The following SLMAP variants were observed in gnomAD, a reference collection of about 807,000 sequenced individuals.
SLMAP encodes the protein sarcolemmal membrane-associated protein.
SLMAP carries 44 observed loss-of-function variants against 128.8 expected under a neutral mutation model. That is an observed-to-expected ratio of 0.34 (90% CI 0.27 to 0.44). The LOEUF (loss-of-function observed/expected upper bound fraction) is 0.44, where lower values mean the gene tolerates loss of function less well. Among genes scored for constraint, SLMAP ranks in the 20% least tolerant of loss-of-function variants. SLMAP has a pLI of 1.00. For synonymous variants in SLMAP, 327 were observed against 348.8 expected (o/e 0.94, Z 0.70); for missense variants, 787 against 985.3 (o/e 0.80, Z 2.69).
intron 5 of SLMAP, among the ~76,000 whole-genome samples, chr3:57,848,029 C>T (rs2094333281): frequency 2.0e-5 from 3 of 152,198 alleles, no homozygotes; most frequent in Admixed American, 1.3e-4. Context: ...TGCCAACTCT[C>T]TGCTGTCTCG....
Position 57,864,637 on chromosome 3 carries a change from A to C in SLMAP, c.1056A>C (p.Lys352Asn). Residue 352 changes from lysine to asparagine, a missense_variant, in exon 11 of 25, where the codon AAA becomes AAC. By Grantham distance (94) the Lys-to-Asn change is moderately conservative. Coordinates refer to ENST00000671191, the MANE Select transcript of SLMAP (RefSeq NM_001377540.1). ...LQHKIDEMEE[K>N]EQELQAKIEA... ...ATAAAATAGATGAAATGGAAGAAAA[A>C]GAACAGGAGCTCCAGGCAAAAATAG... 1 of 1,598,770 alleles carries C rather than the reference A, an allele frequency of 6.3e-7. No individual in the cohort carries two copies. Among genetic ancestry groups the C allele is most frequent in the Non-Finnish European group, 8.5e-7 (1 of 1,176,122 alleles).
At chr3:57,794,632 TTC>T (rs1363927326) in intron 2 of SLMAP, among the ~76,000 whole-genome samples, 3 of 152,218 alleles carry the variant, frequency 2.0e-5, no homozygotes, top group Admixed American at 6.5e-5. Context: ...CTAATCTGCT[TTC>T]TGTCTCTCTA....
intron 2 of SLMAP, among the ~76,000 whole-genome samples, chr3:57,770,458 G>T (rs1175374951): frequency 6.6e-6 from 1 of 152,214 alleles, no homozygotes; most frequent in Non-Finnish European, 1.5e-5. Flanking sequence ...AGAGAGTGAT[G>T]TATTCTGGGA....
At chr3:57,806,086 A>T (rs1028168947) in intron 2 of SLMAP, among the ~76,000 whole-genome samples, 5 of 151,170 alleles carry the variant, frequency 3.3e-5, no homozygotes, top group Admixed American at 6.6e-5. Flanking sequence ...ACAAGTGCAG[A>T]CGTGTAGGTT....
At chr3:57,771,353 C>T (rs2080858432) in intron 2 of SLMAP, among the ~76,000 whole-genome samples, 2 of 152,132 alleles carry the variant, frequency 1.3e-5, no homozygotes, top group African/African-American at 4.8e-5. Flanking sequence ...TCCTCAGCCT[C>T]CCGAGTATAT....
intron 22 of SLMAP, among the ~76,000 whole-genome samples, chr3:57,920,580 T>C (rs1230017015): frequency 1.3e-5 from 2 of 152,192 alleles, no homozygotes; most frequent in East Asian, 3.9e-4. Context: ...ATTTCTAGGA[T>C]ATAAGTAGAG....
rs139725208 is a variant in SLMAP at position 57,849,068 on chromosome 3, C to T, written c.457-686C>T. 7.7e-4 allele frequency among the ~76,000 whole-genome samples: 117 copies of T among 151,108 alleles called. 1 individual carries two copies. Among genetic ancestry groups the T allele is most frequent in the African/African-American group, 2.3e-3 (94 of 41,166 alleles). ...TGTCGTCCAGGCTGAAGTGCAGTAG[C>T]GTGACACGGGGTTTCACCATGTTGG... On this transcript the variant is annotated intron_variant, in intron 5 of 24. Coordinates refer to ENST00000671191, the MANE Select transcript of SLMAP (RefSeq NM_001377540.1).
intron 21 of SLMAP, among the ~76,000 whole-genome samples, chr3:57,913,632 T>C (rs911818105): frequency 6.6e-6 from 1 of 152,180 alleles, no homozygotes; most frequent in Non-Finnish European, 1.5e-5. Flanking sequence ...TCTCTTCTTT[T>C]AGTAAACGTG....
intron 17 of SLMAP, among the ~76,000 whole-genome samples, chr3:57,906,310 C>CTTTTTTTTTTTTTTTTG (rs2096551937): frequency 2.1e-5 from 1 of 47,048 alleles, no homozygotes; most frequent in African/African-American, 7.1e-5. Flanking sequence ...CTTTTTTTTT[C>CTTTTTTTTTTTTTTTTG]TTTTTTTTTT....
intron 2 of SLMAP, among the ~76,000 whole-genome samples, chr3:57,803,487 T>C (rs940168073): frequency 2.6e-5 from 4 of 152,236 alleles, no homozygotes; most frequent in Non-Finnish European, 5.9e-5. Context: ...TGCCAAGCAT[T>C]GTTGCAAAGC....
intron 14 of SLMAP, among the ~76,000 whole-genome samples, chr3:57,874,077 C>T (rs1478042663): frequency 9.2e-5 from 14 of 151,928 alleles, no homozygotes; most frequent in South Asian, 2.1e-4. Context: ...GAGCCAAGAT[C>T]GCACCACTGC....
intron 2 of SLMAP, among the ~76,000 whole-genome samples, chr3:57,758,392 A>G (rs564353451): frequency 3.7e-4 from 56 of 152,372 alleles, no homozygotes; most frequent in Non-Finnish European, 7.1e-4. Context: ...GTAATTTGCA[A>G]TAATCAAAGC....
chr3:57,908,229 TAA>T (rs1367392385), intron 18 of SLMAP, among the ~76,000 whole-genome samples: 2 of 152,248 alleles, frequency 1.3e-5, no homozygotes, highest in Non-Finnish European at 2.9e-5. Flanking sequence ...GAAAATCAAG[TAA>T]GATCTTTACT....
intron 11 of SLMAP, 45 bp from the exon 12 acceptor site, chr3:57,864,762 G>A (rs778972480): frequency 1.3e-6 from 2 of 1,556,372 alleles, no homozygotes; most frequent in Non-Finnish European, 1.7e-6. Flanking sequence ...TTTTTTTCTT[G>A]TTATCTGTGA....
rs547519341 is a variant in SLMAP at position 57,764,230 on chromosome 3, G to A, written c.198+6381G>A. Among the ~76,000 whole-genome samples, 21 of 152,134 alleles carry A rather than the reference G, an allele frequency of 1.4e-4. No individual in the cohort carries two copies. In the South Asian group the frequency reaches 1.5e-3, roughly 11 times the overall value. ...GTTTAAGAAAGAGTGGGCCGGGTGC[G>A]GTGGCTCACACCTGTAATCCCAGCA... On this transcript the variant is annotated intron_variant, in intron 2 of 24. Coordinates refer to ENST00000671191, the MANE Select transcript of SLMAP (RefSeq NM_001377540.1).
rs532267127 is a variant in SLMAP, at chr3:57,823,116, TG to T, written c.199-8261del. The stretch of plus-strand genomic sequence containing the variant: ...GAAAGAGGAAAGTATGGCCCATTGC[TG>T]GGGGGAAAAATGGACAGAAACCATC... On this transcript the variant is annotated intron_variant, in intron 2 of 24. Coordinates refer to ENST00000671191, the MANE Select transcript of SLMAP (RefSeq NM_001377540.1). Among the ~76,000 whole-genome samples the T allele has an allele frequency of 1.4e-3, 206 of 152,216 alleles. 1 individual carries two copies. The highest frequency in any genetic ancestry group is 4.3e-3 in the African/African-American group (180 of 41,546).
chr3:57,884,335 G>A lies in SLMAP; in HGVS notation c.1301-5706G>A, dbSNP rs1053505165. ...CTGAAATGGAGAGTCTGTAGACTGG[G>A]GTATTTCAGATATGTCTGAGGGGGT... On this transcript the variant is annotated intron_variant, in intron 14 of 24. Transcript: ENST00000671191. Among the ~76,000 whole-genome samples, 4 of 152,030 alleles carry A rather than the reference G, an allele frequency of 2.6e-5. No homozygotes were observed. In the East Asian group the frequency reaches 7.7e-4, roughly 29 times the overall value.
At chr3:57,883,937 CTTTTT>C (rs56691913) in intron 14 of SLMAP, among the ~76,000 whole-genome samples, 1 of 126,550 alleles carries the variant, frequency 7.9e-6, no homozygotes, top group African/African-American at 3.0e-5. Flanking sequence ...TCTTTTCTTT[CTTTTT>C]TTTTTTTTTT....
intron 22 of SLMAP, among the ~76,000 whole-genome samples, chr3:57,919,566 G>A (rs1401462656): frequency 6.6e-6 from 1 of 152,008 alleles, no homozygotes; most frequent in Non-Finnish European, 1.5e-5. Flanking sequence ...AGGCCGAGGT[G>A]AGCAGATCAC....
Sources: gnomAD v4.1 joint callset for allele counts (sites outside exome capture counted in the v4.1 genomes callset) on GRCh38, gnomAD v4.1.1 for gene constraint, MANE v1.5 for transcripts, NCBI Gene and HGNC (gene_info 2026-07-23, HGNC 2026-07-21) for gene names.